Variants in PALM observed in about 807,000 individuals in gnomAD.
The protein encoded by PALM is paralemmin, also known as paralemmin-1.
A neutral mutation model predicts 30.7 loss-of-function variants in PALM; 18 were observed. The ratio of observed to expected loss-of-function variants is 0.59; its 90% CI spans 0.41 to 0.87. The LOEUF is 0.87. Among genes scored for constraint, PALM ranks in the 40% least tolerant of loss-of-function variants. The pLI, the probability that PALM is intolerant of heterozygous loss-of-function variation, is 0.00. For synonymous variants in PALM, 286 were observed against 242.8 expected (o/e 1.18, Z -1.66); for missense variants, 529 against 555.4 (o/e 0.95, Z 0.48).
chr19:728,067 G>A (rs912500394), intron 4 of PALM, among the ~76,000 whole-genome samples: 4 of 152,132 alleles, frequency 2.6e-5, no homozygotes, highest in African/African-American at 7.2e-5. Flanking sequence ...GGGTGTTGCC[G>A]GCATTGGCCT....
At chr19:739,417 C>T (rs372707655) in intron 7 of PALM, among the ~76,000 whole-genome samples, 3 of 152,236 alleles carry the variant, frequency 2.0e-5, no homozygotes, top group Admixed American at 1.3e-4. Context: ...CGAGGGCTCA[C>T]GTTTATAATC....
chr19:710,839 C>G (rs1302473163), intron 1 of PALM, among the ~76,000 whole-genome samples: 1 of 152,236 alleles, frequency 6.6e-6, no homozygotes, highest in Non-Finnish European at 1.5e-5. Flanking sequence ...CTGTGAGCCG[C>G]CATTCGAGGA....
intron 4 of PALM, among the ~76,000 whole-genome samples, chr19:730,446 A>G (rs988726025): frequency 2.0e-5 from 3 of 152,178 alleles, no homozygotes; most frequent in African/African-American, 7.2e-5. Flanking sequence ...ATACTTGGAA[A>G]GTGACATGGT....
At chr19:734,881 GCCACCAGC>G (rs752261518) in intron 6 of PALM, 9 of 168,800 alleles carry the variant, frequency 5.3e-5, no homozygotes, top group Middle Eastern at 2.8e-3. Context: ...TAGCGGGACA[GCCACCAGC>G]CGGGATTGAC....
At chr19:718,901 C>G (rs1043674034) in intron 1 of PALM, among the ~76,000 whole-genome samples, 6 of 151,912 alleles carry the variant, frequency 3.9e-5, no homozygotes, top group South Asian at 4.1e-4. Context: ...GCCGGGGGTG[C>G]CAGCGCTCAG....
At chr19:710,670 T>A (rs1021775235) in intron 1 of PALM, among the ~76,000 whole-genome samples, 1 of 58,010 alleles carries the variant, frequency 1.7e-5, no homozygotes, top group Non-Finnish European at 3.4e-5. Context: ...CCACCCCCCC[T>A]CCATCACACA....
chr19:726,954 G>T, intron 2 of PALM, 54 bp from the exon 3 acceptor site: 1 of 1,082,634 alleles, frequency 9.2e-7, no homozygotes, highest in Non-Finnish European at 1.4e-6. Context: ...TGGGGGTGGG[G>T]GGGTCTCCGG....
At chr19:731,308 G>GCC in intron 5 of PALM, 63 bp downstream of exon 5, 1 of 1,423,442 alleles carries the variant, frequency 7.0e-7, no homozygotes, top group Non-Finnish European at 9.5e-7. Context: ...CCAGAGCGAG[G>GCC]CCCCAGCCCT....
intron 1 of PALM, among the ~76,000 whole-genome samples, chr19:715,129 G>C (rs1044648041): frequency 1.3e-5 from 2 of 152,176 alleles, no homozygotes; most frequent in African/African-American, 2.4e-5. Context: ...CCGGGCGGGC[G>C]TGGTGGCGGG....
Position 726,151 on chromosome 19 carries a change from G to C in PALM, c.19G>C (p.Glu7Gln), listed in dbSNP as rs773504452. 2 of 1,613,390 alleles carry C rather than the reference G, an allele frequency of 1.2e-6. No individual in the cohort carries two copies. Among genetic ancestry groups the C allele is most frequent in the Non-Finnish European group, 1.7e-6 (2 of 1,179,790 alleles). ...TCCCTCCCGCAGGGTCCTGGCGGCA[G>C]AGACCACGTCCCAGCAGGAGCGGCT... MEVLAAETTSQQERLQA... is the reference protein window; with the variant it reads MEVLAAQTTSQQERLQA... Residue 7 changes from glutamate to glutamine, a missense_variant, in exon 2 of 9, where the codon GAG (glutamate) becomes CAG (glutamine). Coordinates refer to ENST00000338448, the MANE Select transcript of PALM (RefSeq NM_002579.3).
intron 1 of PALM, among the ~76,000 whole-genome samples, chr19:718,455 G>T (rs1343235320): frequency 1.3e-5 from 2 of 152,172 alleles, no homozygotes; most frequent in Non-Finnish European, 2.9e-5. Context: ...CTCTGCAGCA[G>T]GGTTTGCCCT....
At chr19:736,642 G>T (rs2033033220) in intron 7 of PALM, among the ~76,000 whole-genome samples, 2 of 152,130 alleles carry the variant, frequency 1.3e-5, no homozygotes, top group Admixed American at 6.5e-5. Flanking sequence ...CCTGCCAGAG[G>T]GGTGGGACCT....
intron 4 of PALM, among the ~76,000 whole-genome samples, chr19:728,728 G>T (rs1370917911): frequency 2.0e-5 from 3 of 152,182 alleles, no homozygotes; most frequent in African/African-American, 7.2e-5. Flanking sequence ...AGAAGGCCAG[G>T]CGCGGTGGCT....
At chr19:729,093 G>A (rs553377440) in intron 4 of PALM, among the ~76,000 whole-genome samples, 44 of 152,206 alleles carry the variant, frequency 2.9e-4, no homozygotes, top group African/African-American at 1.1e-3. Flanking sequence ...TTGGGAGGCC[G>A]AGGCAGGAGG....
At chr19:714,200 C>T (rs541165537) in intron 1 of PALM, among the ~76,000 whole-genome samples, 3 of 151,538 alleles carry the variant, frequency 2.0e-5, no homozygotes, top group African/African-American at 4.8e-5. Context: ...CCACCGCGCC[C>T]GGCTTGTTGT....
At chr19:710,649 CT>C (rs2032044531) in intron 1 of PALM, among the ~76,000 whole-genome samples, 5 of 119,638 alleles carry the variant, frequency 4.2e-5, no homozygotes, top group Admixed American at 4.0e-4. Flanking sequence ...AGAGGAGCTG[CT>C]GCCCCCCCCC....
chr19:731,700 G>A (rs566470794), intron 5 of PALM, among the ~76,000 whole-genome samples: 2 of 152,158 alleles, frequency 1.3e-5, no homozygotes, highest in South Asian at 2.1e-4. Context: ...TTTGAGACTC[G>A]TTCTGTTGCC....
intron 3 of PALM, among the ~76,000 whole-genome samples, 194 bp from the exon 4 acceptor site, chr19:727,370 C>A (rs991850133): frequency 6.6e-6 from 1 of 151,658 alleles, no homozygotes; most frequent in Non-Finnish European, 1.5e-5. Flanking sequence ...TGACCCTGAC[C>A]TTGACTCTGA....
At chr19:726,239 G>A (rs1272578993) in intron 2 of PALM, 50 bp downstream of exon 2, 6 of 1,530,752 alleles carry the variant, frequency 3.9e-6, no homozygotes, top group East Asian at 2.3e-5. Context: ...GGGAAGTGGG[G>A]GGACCTGGGG....
Sources: gnomAD v4.1 joint callset for allele counts (sites outside exome capture counted in the v4.1 genomes callset) on GRCh38, gnomAD v4.1.1 for gene constraint, MANE v1.5 for transcripts, NCBI Gene and HGNC (gene_info 2026-07-23, HGNC 2026-07-21) for gene names.